Variants in MYO3B observed in about 807,000 individuals in gnomAD.
MYO3B encodes myosin-IIIb.
Under a neutral mutation model 174.6 loss-of-function variants are expected in MYO3B, and 156 were observed. That is an observed-to-expected ratio of 0.89 (90% CI 0.78 to 1.02). MYO3B has a LOEUF of 1.02. Among genes scored for constraint, MYO3B ranks in the 50% least tolerant of loss-of-function variants. The pLI, the probability that MYO3B is intolerant of heterozygous loss-of-function variation, is 0.00. For synonymous variants in MYO3B, 563 were observed against 569.1 expected, an observed-to-expected ratio of 0.99 and a Z score of 0.15; for missense variants, 1,632 against 1,639.4, an observed-to-expected ratio of 1.00 and a Z score of 0.08.
intron 23 of MYO3B, among the ~76,000 whole-genome samples, chr2:170,459,007 C>T (rs1468416451): frequency 1.3e-5 from 2 of 152,116 alleles, no homozygotes; most frequent in Non-Finnish European, 2.9e-5. Flanking sequence ...GTTTGTTCCT[C>T]CCGTCCGGAG....
chr2:170,471,716 G>A (rs971069340), intron 25 of MYO3B, among the ~76,000 whole-genome samples: 3 of 152,100 alleles, frequency 2.0e-5, no homozygotes, highest in Non-Finnish European at 2.9e-5. Flanking sequence ...CCAGGCCGGG[G>A]CGCAGTGGCT....
chr2:170,359,863 T>C (rs559386283), intron 8 of MYO3B, among the ~76,000 whole-genome samples: 30 of 152,356 alleles, frequency 2.0e-4, no homozygotes, highest in African/African-American at 6.7e-4. Flanking sequence ...CTAAATCCCA[T>C]GAAAGCAAAT....
Position 170,460,302 on chromosome 2 carries a change from A to G in MYO3B, c.2731-3066A>G, listed in dbSNP as rs369194795. ...CAGGGGTTCAAGACCAGCCTGACCA[A>G]CATGGTGAAACCCTGTCTCTACTAA... On this transcript the variant is annotated intron_variant, in intron 23 of 34. Transcript: ENST00000408978. Among the ~76,000 whole-genome samples the G allele has an allele frequency of 4.1e-4, 62 of 152,188 alleles. No individual in the cohort carries two copies. The East Asian group carries it at 4.5e-3, about 11-fold the overall frequency.
chr2:170,319,126 G>A (rs943332746), intron 7 of MYO3B, among the ~76,000 whole-genome samples: 1 of 152,124 alleles, frequency 6.6e-6, no homozygotes, highest in Admixed American at 6.6e-5. Context: ...TTTTATGACA[G>A]GCTTTACTCT....
chr2:170,359,583 A>G (rs987979089), intron 8 of MYO3B, among the ~76,000 whole-genome samples: 38 of 152,256 alleles, frequency 2.5e-4, no homozygotes, highest in African/African-American at 8.4e-4. Context: ...TTATAACTGC[A>G]TTGTTCTGTT....
intron 32 of MYO3B, among the ~76,000 whole-genome samples, chr2:170,631,561 T>C (rs915991731): frequency 4.0e-5 from 6 of 151,708 alleles, no homozygotes; most frequent in South Asian, 2.1e-4. Flanking sequence ...ACCACAAAGA[T>C]AGATACTCCT....
chr2:170,628,215 G>T (rs902300917), intron 32 of MYO3B, among the ~76,000 whole-genome samples: 2 of 152,224 alleles, frequency 1.3e-5, no homozygotes, highest in Non-Finnish European at 2.9e-5. Context: ...CTTCCTGGCT[G>T]CTTTGTTTAC....
intron 17 of MYO3B, 141 bp from the exon 18 acceptor site, chr2:170,401,340 G>C (rs2094474622): frequency 1.4e-6 from 1 of 701,148 alleles, no homozygotes; most frequent in Admixed American, 2.5e-5. Flanking sequence ...GCTTCTTGGG[G>C]TTAGGGATCT....
At chr2:170,494,966 G>C (rs1167952384) in intron 25 of MYO3B, among the ~76,000 whole-genome samples, 3 of 152,042 alleles carry the variant, frequency 2.0e-5, no homozygotes, top group African/African-American at 7.2e-5. Context: ...TAGGTACAGA[G>C]AGGTGAGTGA....
chr2:170,312,338 C>G (rs896055195), intron 7 of MYO3B, among the ~76,000 whole-genome samples: 1 of 152,244 alleles, frequency 6.6e-6, no homozygotes, highest in Non-Finnish European at 1.5e-5. Context: ...ACAGCGTTTA[C>G]TTAATGGTCC....
intron 7 of MYO3B, among the ~76,000 whole-genome samples, chr2:170,287,433 A>G (rs748123269): frequency 2.0e-5 from 3 of 150,914 alleles, no homozygotes; most frequent in South Asian, 2.1e-4. Flanking sequence ...TTTAACTGAG[A>G]TGAGGTGATA....
At chr2:170,488,373 G>A (rs1183821207) in intron 25 of MYO3B, among the ~76,000 whole-genome samples, 1 of 152,124 alleles carries the variant, frequency 6.6e-6, no homozygotes, top group Non-Finnish European at 1.5e-5. Context: ...ACCCAGGTAT[G>A]AAGACTGCCT....
chr2:170,308,522 T>C (rs1574759177), intron 7 of MYO3B, among the ~76,000 whole-genome samples: 4 of 152,206 alleles, frequency 2.6e-5, no homozygotes, highest in South Asian at 2.1e-4. Flanking sequence ...GTAGGGATAA[T>C]TGCTGCCTCC....
intron 7 of MYO3B, among the ~76,000 whole-genome samples, chr2:170,316,940 T>G (rs546861613): frequency 1.3e-5 from 2 of 152,352 alleles, no homozygotes; most frequent in East Asian, 3.9e-4. Context: ...TGCAGACACC[T>G]GCATTGACTC....
At chr2:170,330,190 G>A (rs2093902141) in intron 7 of MYO3B, among the ~76,000 whole-genome samples, 1 of 152,072 alleles carries the variant, frequency 6.6e-6, no homozygotes, top group African/African-American at 2.4e-5. Flanking sequence ...TTAATTAACT[G>A]TGCCTCACTG....
At chr2:170,466,208 G>A (rs1335281558) in intron 24 of MYO3B, among the ~76,000 whole-genome samples, 3 of 151,806 alleles carry the variant, frequency 2.0e-5, no homozygotes, top group Non-Finnish European at 4.4e-5. Flanking sequence ...GAATACCAGC[G>A]ACAAGCATTC....
intron 8 of MYO3B, among the ~76,000 whole-genome samples, chr2:170,364,576 G>T (rs1262300864): frequency 1.3e-5 from 2 of 152,134 alleles, no homozygotes; most frequent in Non-Finnish European, 2.9e-5. Context: ...TGCAATTCCT[G>T]GTTTAATAAG....
At chr2:170,399,952 C>T (rs1023069874) in intron 16 of MYO3B, among the ~76,000 whole-genome samples, 2 of 152,196 alleles carry the variant, frequency 1.3e-5, no homozygotes, top group East Asian at 1.9e-4. Context: ...GAGGCATGCT[C>T]ATGCCGGTAA....
intron 7 of MYO3B, among the ~76,000 whole-genome samples, chr2:170,273,551 A>T (rs2093440461): frequency 6.6e-6 from 1 of 152,122 alleles, no homozygotes; most frequent in Non-Finnish European, 1.5e-5. Flanking sequence ...AAGAAGACAT[A>T]GTCTTTCATC....
Sources: gnomAD v4.1 joint callset for allele counts (sites outside exome capture counted in the v4.1 genomes callset) on GRCh38, gnomAD v4.1.1 for gene constraint, MANE v1.5 for transcripts, NCBI Gene and HGNC (gene_info 2026-07-23, HGNC 2026-07-21) for gene names.